Variants in INTS6L observed in about 807,000 individuals in gnomAD.
INTS6L encodes the protein integrator complex subunit 6-like.
Under a neutral mutation model 64.7 loss-of-function variants are expected in INTS6L, and 18 were observed. The ratio of observed to expected loss-of-function variants is 0.28; its 90% CI spans 0.19 to 0.41. The LOEUF is 0.41. INTS6L is among the 10% of genes least tolerant of loss of function. The pLI is 1.00. For synonymous variants in INTS6L, 227 were observed against 235.9 expected (o/e 0.96, Z 0.34); for missense variants, 533 against 661.0 (o/e 0.81, Z 2.12).
At chrX:135,570,648 ATC>A in intron 11 of INTS6L, 102 bp downstream of exon 11, 1 of 908,803 alleles carries the variant, frequency 1.1e-6, no homozygotes, top group East Asian at 3.5e-5. Context: ...ATGTGTATAT[ATC>A]TCTACACTTT....
intron 2 of INTS6L, among the ~76,000 whole-genome samples, chrX:135,534,888 T>G (rs1286871926): frequency 1.8e-5 from 2 of 109,700 alleles, no homozygotes; most frequent in African/African-American, 6.7e-5. Flanking sequence ...AGGCTGATCT[T>G]GAACTCGTGG....
intron 9 of INTS6L, among the ~76,000 whole-genome samples, chrX:135,566,445 C>A (rs782109404): frequency 9.0e-6 from 1 of 111,605 alleles, no homozygotes; most frequent in South Asian, 3.8e-4. Flanking sequence ...AGTAAAAGGG[C>A]AAGTTAAGTT....
At position 135,544,322 on chromosome X, in the gene INTS6L, C is replaced by A. The variant is rs139488537; in HGVS notation, c.190-1101C>A. On this transcript the variant is annotated intron_variant, in intron 2 of 17. Transcript: ENST00000639893. The stretch of plus-strand genomic sequence containing the variant: ...CTTACTTCCCAGTCATTCTACTAAT[C>A]CAAATTGCTCTGGAAGACCATGAAA... Among the ~76,000 whole-genome samples, 843 of 112,130 alleles carry A rather than the reference C, an allele frequency of 7.5e-3. 7 individuals are homozygous for A. Among genetic ancestry groups the A allele is most frequent in the African/African-American group, 0.026 (797 of 30,804 alleles).
intron 9 of INTS6L, among the ~76,000 whole-genome samples, chrX:135,556,508 T>C (rs972101227): frequency 2.7e-5 from 3 of 111,854 alleles, no homozygotes; most frequent in African/African-American, 6.5e-5. Context: ...GTGATTCTTA[T>C]GCTTGTTCTT....
chrX:135,523,294 C>T (rs782561465), intron 2 of INTS6L, among the ~76,000 whole-genome samples: 1 of 102,025 alleles, frequency 9.8e-6, no homozygotes, highest in Admixed American at 1.1e-4. Flanking sequence ...CCCAGCTACG[C>T]GGGAGGCTGA....
intron 9 of INTS6L, among the ~76,000 whole-genome samples, chrX:135,565,017 TA>T (rs2086904885): frequency 9.0e-6 from 1 of 111,454 alleles, no homozygotes; most frequent in African/African-American, 3.3e-5. Context: ...CCTAGAATGA[TA>T]CCTTCCTGGC....
At chrX:135,531,970 A>G (rs1386581045) in intron 2 of INTS6L, among the ~76,000 whole-genome samples, 2 of 111,851 alleles carry the variant, frequency 1.8e-5, no homozygotes, top group African/African-American at 6.5e-5. Context: ...GAGGGTGAGG[A>G]CATGACAGAA....
intron 7 of INTS6L, among the ~76,000 whole-genome samples, chrX:135,551,732 A>G (rs2086508992): frequency 9.0e-6 from 1 of 111,700 alleles, no homozygotes; most frequent in Admixed American, 9.5e-5. Context: ...TTTTTTTTCA[A>G]TTCACTGAAA....
intron 8 of INTS6L, 48 bp from the exon 9 acceptor site, chrX:135,556,120 A>C: frequency 9.0e-7 from 1 of 1,107,721 alleles, no homozygotes. Context: ...TTGGTTTGAC[A>C]TAAAATCCTT....
chrX:135,554,651 G>A (rs782609034), intron 8 of INTS6L, among the ~76,000 whole-genome samples: 15 of 110,295 alleles, frequency 1.4e-4, no homozygotes, highest in Non-Finnish European at 2.5e-4. Context: ...AAGGACTTTG[G>A]AAAAGTAAAG....
chrX:135,556,873 G>A (rs1195733224), intron 9 of INTS6L, among the ~76,000 whole-genome samples: 9 of 111,970 alleles, frequency 8.0e-5, no homozygotes, highest in African/African-American at 2.6e-4. Context: ...TCTGTTTAGA[G>A]TAATGTAGTA....
At chrX:135,521,847 C>T (rs1342295955) in intron 2 of INTS6L, among the ~76,000 whole-genome samples, 1 of 109,242 alleles carries the variant, frequency 9.2e-6, no homozygotes, top group African/African-American at 3.3e-5. Context: ...CCTCCTCTGG[C>T]CCCTCCTTCC....
At chrX:135,543,256 G>T (rs1221365775) in intron 2 of INTS6L, among the ~76,000 whole-genome samples, 1 of 111,983 alleles carries the variant, frequency 8.9e-6, no homozygotes, top group Non-Finnish European at 1.9e-5. Context: ...AATCCAAACT[G>T]CTGAGCATGG....
At chrX:135,580,344 C>A (rs2087340305) in intron 16 of INTS6L, among the ~76,000 whole-genome samples, 182 bp downstream of exon 16, 1 of 111,938 alleles carries the variant, frequency 8.9e-6, no homozygotes, top group South Asian at 3.7e-4. Context: ...TGTTTTTTCC[C>A]CTTATTTCTT....
intron 10 of INTS6L, 23 bp downstream of exon 10, chrX:135,569,454 G>C: frequency 1.1e-6 from 1 of 909,692 alleles, no homozygotes; most frequent in Non-Finnish European, 1.5e-6. Flanking sequence ...GTGTATATAT[G>C]TATTAACTGT....
intron 2 of INTS6L, among the ~76,000 whole-genome samples, chrX:135,530,605 G>T (rs1468853678): frequency 1.8e-5 from 2 of 112,500 alleles, no homozygotes; most frequent in East Asian, 5.6e-4. Flanking sequence ...GGAGGAGGTA[G>T]ACATGGTTTT....
chrX:135,549,556 T>C (rs2086445056), intron 6 of INTS6L, 86 bp from the exon 7 acceptor site: 1 of 1,046,293 alleles, frequency 9.6e-7, no homozygotes. Flanking sequence ...TTTTGGACTT[T>C]GCTTTCAGCT....
At chrX:135,574,150 C>A in intron 13 of INTS6L, 88 bp downstream of exon 13, 1 of 962,743 alleles carries the variant, frequency 1.0e-6, no homozygotes, top group Non-Finnish European at 1.4e-6. Flanking sequence ...AATGAGTAGG[C>A]TATTTTATAG....
intron 2 of INTS6L, among the ~76,000 whole-genome samples, chrX:135,523,951 C>T (rs1227243177): frequency 1.8e-5 from 2 of 111,764 alleles, no homozygotes; most frequent in African/African-American, 6.5e-5. Flanking sequence ...TCTTCTTAGC[C>T]TATCTTTCCA....
Sources: gnomAD v4.1 joint callset for allele counts (sites outside exome capture counted in the v4.1 genomes callset) on GRCh38, gnomAD v4.1.1 for gene constraint, MANE v1.5 for transcripts, NCBI Gene and HGNC (gene_info 2026-07-23, HGNC 2026-07-21) for gene names.